The following BLCAP variants were observed in gnomAD, a reference collection of about 807,000 sequenced individuals.
BLCAP encodes the protein apoptosis inducing factor BLCAP.
BLCAP carries 1 observed loss-of-function variant against 5.7 expected under a neutral mutation model. The ratio of observed to expected loss-of-function variants is 0.18; its 90% CI spans 0.06 to 0.83. The LOEUF is 0.83. Ranked by LOEUF, BLCAP falls within the 40% of genes least tolerant of loss-of-function variation. BLCAP has a pLI of 0.71. For missense variants in BLCAP, 66 were observed against 107.6 expected, an observed-to-expected ratio of 0.61 and a Z score of 1.71; for synonymous variants, 48 against 49.4, an observed-to-expected ratio of 0.97 and a Z score of 0.11.
At chr20:37,524,032 A>C (rs2071678270) in intron 1 of BLCAP, among the ~76,000 whole-genome samples, 1 of 152,158 alleles carries the variant, frequency 6.6e-6, no homozygotes, top group Non-Finnish European at 1.5e-5. Context: ...GGAGGGGAAA[A>C]AGGTGGGAGT....
chr20:37,522,249 A>G (rs2071611512), intron 1 of BLCAP: 1 of 653,644 alleles, frequency 1.5e-6, no homozygotes, highest in African/African-American at 1.8e-5. Flanking sequence ...GAGATAAATC[A>G]GAAGAAAGCG....
chr20:37,519,379 A>G (rs1054609511), intron 1 of BLCAP, 29 bp from the exon 2 acceptor site: 15 of 397,688 alleles, frequency 3.8e-5, no homozygotes, highest in African/African-American at 8.4e-5. Context: ...ACAACAGACA[A>G]ACAGACAAAG....
Position 37,518,953 on chromosome 20 carries a change from C to A in BLCAP, c.222G>T (p.Pro74=). The A allele has an allele frequency of 6.2e-7, 1 of 1,614,140 alleles. No homozygotes were observed. Among genetic ancestry groups the A allele is most frequent in the African/African-American group, 1.3e-5 (1 of 75,032 alleles). Reference sequence around the variant, plus strand: ...CGGGATCATGCGCCGATTCTGGAAGCGGGGAATCGGAGCAGTGGTACAGGA... The same window carrying A: ...CGGGATCATGCGCCGATTCTGGAAGAGGGGAATCGGAGCAGTGGTACAGGA... ...NCFLYHCSDS[P]LPESAHDPGV... is the part of the protein sequence containing the mutation. Residue 74 remains proline, a synonymous_variant, in exon 2 of 2, where the codon CCG becomes CCT. Transcript: ENST00000373537.
chr20:37,525,004 CTG>C (rs1333375383), intron 1 of BLCAP, among the ~76,000 whole-genome samples: 4 of 152,214 alleles, frequency 2.6e-5, no homozygotes, highest in Non-Finnish European at 5.9e-5. Flanking sequence ...GATGTGCAAT[CTG>C]AGACTTCATC....
In BLCAP at chr20:37,521,181, C is replaced by A. The variant is rs890415622; in HGVS notation, c.-176-1831G>T. 2.8e-4 allele frequency: 207 copies of A among 751,322 alleles called. No homozygotes were observed. The highest frequency in any genetic ancestry group is 2.1e-3 in the East Asian group (85 of 40,020). The allele number at this position is 751,322 out of a possible 1,614,324, so 46.5% of individuals were successfully genotyped here. ...CCCCAGCCACCCCTCCTCATAAACA[C>A]CCCCCAAGGCGCGCATGCGCACTTA... On this transcript the variant is annotated intron_variant, in intron 1 of 1. Coordinates refer to ENST00000373537, the MANE Select transcript of BLCAP (RefSeq NM_006698.4). This position sits in a 1 kb window ranked among gnomAD's most constrained non-coding sequence, Gnocchi z 4.5.
intron 1 of BLCAP, chr20:37,522,574 G>A: frequency 2.2e-6 from 3 of 1,392,700 alleles, no homozygotes; most frequent in Non-Finnish European, 2.9e-6. Flanking sequence ...TGGGCGGGCG[G>A]GGCAGGGGGT....
Position 37,518,020 on chromosome 20 carries a change from C to CGAT in BLCAP, c.*890_*891insATC, listed in dbSNP as rs1215185187. 3 of 152,680 alleles carry CGAT rather than the reference C, an allele frequency of 2.0e-5. No individual in the cohort carries two copies. The highest frequency in any genetic ancestry group is 4.4e-5 in the Non-Finnish European group (3 of 68,156). 9.5% of individuals were successfully genotyped at this position (152,680 alleles called of 1,614,324 possible). On this transcript the variant is annotated 3_prime_UTR_variant, in exon 2 of 2. Coordinates refer to ENST00000373537, the MANE Select transcript of BLCAP (RefSeq NM_006698.4). ...GGCACACCAAAAAATATCCAAACAT[C>CGAT]TATCAAGGGGATCAAGGCCGTTACG...
chr20:37,524,959 G>A (rs554312866), intron 1 of BLCAP, among the ~76,000 whole-genome samples: 1 of 152,274 alleles, frequency 6.6e-6, no homozygotes, highest in Admixed American at 6.5e-5. Context: ...AACTGCCATA[G>A]CAGTGGCAAT....
chr20:37,518,891 A>C lies in BLCAP; in HGVS notation c.*20T>G. On this transcript the variant is annotated 3_prime_UTR_variant, in exon 2 of 2. Transcript: ENST00000373537. ...CCCCTCCCGTCTTCTGCTTCCTTGG[A>C]AAGCTAACAGGGCAGGCCGTTAGGT... 3.7e-6 allele frequency: 6 copies of C among 1,611,630 alleles called. No homozygotes were observed. Among genetic ancestry groups the C allele is most frequent in the Non-Finnish European group, 5.1e-6 (6 of 1,178,570 alleles).
In BLCAP at chr20:37,521,448, G is replaced by GC; in HGVS notation, c.-176-2099dup. On this transcript the variant is annotated intron_variant, in intron 1 of 1. Transcript: ENST00000373537. This position sits in a 1 kb window ranked among gnomAD's most constrained non-coding sequence, Gnocchi z 4.5. ...GGGTGGGAGAGGGTTCCCAACTCGC[G>GC]CCCCTAGAACCCGCAAGACTGCGTC... 1 of 1,578,930 alleles carries GC rather than the reference G, an allele frequency of 6.3e-7. No homozygotes were observed. The highest frequency in any genetic ancestry group is 1.1e-5 in the South Asian group (1 of 90,454).
chr20:37,522,497 A>G, intron 1 of BLCAP: 1 of 1,550,208 alleles, frequency 6.5e-7, no homozygotes, highest in African/African-American at 1.4e-5. Flanking sequence ...GCACAGTTGG[A>G]AAAGCTCCAG....
intron 1 of BLCAP, among the ~76,000 whole-genome samples, chr20:37,526,417 C>A (rs750464941): frequency 6.6e-6 from 1 of 152,060 alleles, no homozygotes; most frequent in Admixed American, 6.6e-5. Context: ...TTGTCACCAT[C>A]TTCCCTGGGA....
Position 37,519,057 on chromosome 20 carries a change from G to A in BLCAP, c.118C>T (p.Arg40Trp). ...AAGGCACAAATTGTGCAAGGCTTCCGTTCCAGGAGGAAGCTGAGCAGGTAG... is the reference window on the plus strand; with the variant it reads ...AAGGCACAAATTGTGCAAGGCTTCCATTCCAGGAGGAAGCTGAGCAGGTAG... ...GFYLLSFLLE[R>W]KPCTICALVF... is the part of the protein sequence containing the mutation. The change falls in exon 2 of 2, where the codon CGG (arginine) becomes TGG (tryptophan). Residue 40 changes from arginine to tryptophan, a missense_variant. Physicochemically the swap from Arg to Trp is moderately radical, Grantham distance 101. Transcript: ENST00000373537. The A allele has an allele frequency of 3.1e-6, 5 of 1,614,214 alleles. No homozygotes were observed. The highest frequency in any genetic ancestry group is 3.4e-6 in the Non-Finnish European group (4 of 1,180,038).
chr20:37,518,641 G>A lies in BLCAP; in HGVS notation c.*270C>T, dbSNP rs905182447. On this transcript the variant is annotated 3_prime_UTR_variant, in exon 2 of 2. Coordinates refer to ENST00000373537, the MANE Select transcript of BLCAP (RefSeq NM_006698.4). Reference sequence around the variant, plus strand: ...CCCAGACTCCTCACAGTAATGAGGCGAGAGGGGTGGTCATGCGGCCAGCCA... The same window carrying A: ...CCCAGACTCCTCACAGTAATGAGGCAAGAGGGGTGGTCATGCGGCCAGCCA... 8.3e-6 allele frequency: 4 copies of A among 480,524 alleles called. No homozygotes were observed. The highest frequency in any genetic ancestry group is 3.0e-4 in the Middle Eastern group (1 of 3,358). The allele number at this position is 480,524 out of a possible 1,614,324, so 29.8% of individuals were successfully genotyped here. A position where few individuals can be genotyped will look rare whatever the true frequency, so the allele number is the denominator to read the frequency against.
At chr20:37,519,904 G>A (rs1002450186) in intron 1 of BLCAP, among the ~76,000 whole-genome samples, 1 of 152,262 alleles carries the variant, frequency 6.6e-6, no homozygotes, top group Admixed American at 6.5e-5. Context: ...AGGATCCTGA[G>A]GCAGCTACAG....
intron 1 of BLCAP, among the ~76,000 whole-genome samples, chr20:37,524,193 G>A (rs1409209187): frequency 6.6e-6 from 1 of 152,002 alleles, no homozygotes; most frequent in African/African-American, 2.4e-5. Flanking sequence ...GTGCAGCGTG[G>A]CGCCTTCTTC....
chr20:37,522,276 A>G (rs2071612520), intron 1 of BLCAP: 1 of 1,122,266 alleles, frequency 8.9e-7, no homozygotes, highest in Non-Finnish European at 1.3e-6. Context: ...CCATAAAATC[A>G]TTTACCCTAA....
intron 1 of BLCAP, chr20:37,522,598 G>A: frequency 2.3e-6 from 2 of 864,440 alleles, no homozygotes; most frequent in African/African-American, 1.8e-5. Flanking sequence ...GCGGGGGTGG[G>A]CACGGCAGCA....
intron 1 of BLCAP, chr20:37,523,502 T>A (rs896607609): frequency 6.5e-6 from 1 of 152,748 alleles, no homozygotes; most frequent in Non-Finnish European, 1.5e-5. Flanking sequence ...CCTGGTCTCA[T>A]GCAGTTGTGG....
Sources: gnomAD v4.1 joint callset for allele counts (sites outside exome capture counted in the v4.1 genomes callset) on GRCh38, gnomAD v4.1.1 for gene constraint, Gnocchi (gnomAD v3.1) non-coding constraint, MANE v1.5 for transcripts, NCBI Gene and HGNC (gene_info 2026-07-23, HGNC 2026-07-21) for gene names.